The following MROH2B variants were observed in gnomAD, a reference collection of about 807,000 sequenced individuals.
The protein encoded by MROH2B is maestro heat like repeat family member 2B, also known as maestro heat-like repeat-containing protein family member 2B.
In MROH2B, 177 loss-of-function variants were observed where a neutral mutation model predicts 208.6. The observed-to-expected ratio is 0.85, with a 90% CI of 0.75 to 0.96. MROH2B has a LOEUF of 0.96. MROH2B is among the 40% of genes least tolerant of loss of function. MROH2B has a pLI of 0.00. For synonymous variants in MROH2B, 728 were observed against 659.0 expected (o/e 1.10, Z -1.60); for missense variants, 2,002 against 1,878.7 (o/e 1.07, Z -1.21).
rs75502158 is a variant in MROH2B, at chr5:41,055,728, A to G, written c.1033+14T>C. 0.013 allele frequency: 21,573 copies of G among 1,600,944 alleles called. 211 individuals carry two copies. Among genetic ancestry groups the G allele is most frequent in the Non-Finnish European group, 0.015 (17,512 of 1,168,250 alleles). On this transcript the variant is annotated intron_variant, in intron 10 of 41. Transcript: ENST00000399564. ...CATGAAATAAACCATGTTGGCTTCA[A>G]CCCTCTTGCTTACCATCAGCATTGA...
At chr5:41,039,351 C>A in intron 20 of MROH2B, 97 bp downstream of exon 20, 2 of 689,700 alleles carry the variant, frequency 2.9e-6, no homozygotes. Flanking sequence ...AACCTGGGGA[C>A]AGGAGTAAGT....
intron 29 of MROH2B, 55 bp from the exon 30 acceptor site, chr5:41,012,790 A>G (rs1207189545): frequency 3.2e-5 from 51 of 1,599,638 alleles, no homozygotes; most frequent in Non-Finnish European, 3.8e-5. Context: ...TTATATCTAG[A>G]TACTTACAAC....
At position 41,055,757 on chromosome 5, in the gene MROH2B, C is replaced by A; in HGVS notation, c.1018G>T (p.Ala340Ser). The change falls in exon 10 of 42, where the codon GCT becomes TCT. Residue 340 changes from alanine to serine, a missense_variant. Ala to Ser is a moderately conservative substitution (Grantham distance 99). Coordinates refer to ENST00000399564, the MANE Select transcript of MROH2B (RefSeq NM_173489.5). ...TCTTGCTTACCATCAGCATTGACAGCCAATCTTAACAAAGTCAAGATTCCC... is the reference window on the plus strand; with the variant it reads ...TCTTGCTTACCATCAGCATTGACAGACAATCTTAACAAAGTCAAGATTCCC... ...RVGILTLLRL[A>S]VNADEPRLRD... The A allele has an allele frequency of 6.2e-7, 1 of 1,613,508 alleles. No individual in the cohort carries two copies.
At chr5:41,023,207 G>A (rs1742221072) in intron 24 of MROH2B, among the ~76,000 whole-genome samples, 1 of 152,198 alleles carries the variant, frequency 6.6e-6, no homozygotes, top group South Asian at 2.1e-4. Flanking sequence ...ACTTTGATGA[G>A]TTGAGAGAAG....
At chr5:41,028,348 T>A (rs189621568) in intron 24 of MROH2B, among the ~76,000 whole-genome samples, 1 of 152,316 alleles carries the variant, frequency 6.6e-6, no homozygotes, top group East Asian at 1.9e-4. Flanking sequence ...GCAAAATCCT[T>A]AATACAATAC....
Position 41,049,403 on chromosome 5 carries a change from G to A in MROH2B, c.1378C>T (p.Pro460Ser). The change falls in exon 14 of 42, where the codon CCT becomes TCT. Residue 460 changes from proline to serine, a missense_variant. Coordinates refer to ENST00000399564, the MANE Select transcript of MROH2B (RefSeq NM_173489.5). ...TCCAGAGCTTCTGTGTATTCTGCAG[G>A]TACCACAAAAGTCAGGATCCTTGGC... ...LWPRILTFVV[P>S]AEYTEALEPL... 3 of 1,613,228 alleles carry A rather than the reference G, an allele frequency of 1.9e-6. No homozygotes were observed. The South Asian group carries it at 3.3e-5, about 18-fold the overall frequency.
chr5:41,064,427 C>T, intron 5 of MROH2B, 45 bp downstream of exon 5: 1 of 1,523,606 alleles, frequency 6.6e-7, no homozygotes, highest in Non-Finnish European at 9.1e-7. Flanking sequence ...TAAGACAGTT[C>T]ACAGCCTGGT....
intron 37 of MROH2B, among the ~76,000 whole-genome samples, chr5:41,001,411 A>G (rs183537079): frequency 9.2e-5 from 14 of 152,104 alleles, no homozygotes; most frequent in Admixed American, 7.2e-4. Flanking sequence ...GCAGGCGATG[A>G]TTTTAGGAAG....
intron 22 of MROH2B, 123 bp from the exon 23 acceptor site, chr5:41,033,283 A>G (rs931034859): frequency 5.9e-6 from 8 of 1,363,684 alleles, no homozygotes; most frequent in East Asian, 5.0e-5. Context: ...TTCCTTTGCC[A>G]TCTCTACTCC....
intron 33 of MROH2B, 61 bp from the exon 34 acceptor site, chr5:41,007,515 C>T: frequency 2.2e-6 from 3 of 1,358,908 alleles, no homozygotes; most frequent in South Asian, 3.8e-5. Flanking sequence ...TGCAAATTCC[C>T]AAGTTTGCCT....
At position 41,058,349 on chromosome 5, in the gene MROH2B, T is replaced by TA. The variant is rs377433192; in HGVS notation, c.616-147dup. 829 of 814,614 alleles carry TA rather than the reference T, an allele frequency of 1.0e-3. 5 individuals carry two copies. In the African/African-American group the frequency reaches 0.013, roughly 13 times the overall value. 50.5% of individuals were successfully genotyped at this position (814,614 alleles called of 1,614,324 possible). A position where few individuals can be genotyped will look rare whatever the true frequency, so the allele number is the denominator to read the frequency against. ...AATTCTTTAAATTCTTTAAAATCTTTAAAAAATGTTCAGGTTAAGATCATT... is the reference window on the plus strand; with the variant it reads ...AATTCTTTAAATTCTTTAAAATCTTTAAAAAAATGTTCAGGTTAAGATCATT... On this transcript the variant is annotated intron_variant, in intron 6 of 41. Coordinates refer to ENST00000399564, the MANE Select transcript of MROH2B (RefSeq NM_173489.5).
intron 19 of MROH2B, among the ~76,000 whole-genome samples, chr5:41,040,410 C>T (rs1742906599): frequency 6.6e-6 from 1 of 152,176 alleles, no homozygotes. Flanking sequence ...AACTCGTAGA[C>T]TAGACCATTC....
Position 41,064,459 on chromosome 5 carries a change from T to G in MROH2B, c.460+13A>C. On this transcript the variant is annotated intron_variant, in intron 5 of 41. Coordinates refer to ENST00000399564, the MANE Select transcript of MROH2B (RefSeq NM_173489.5). ...TGGTTTTTAAGCAAAAAGGAAATCA[T>G]CGGGATACCCACCAATACAGAAAGT... The G allele has an allele frequency of 1.2e-6, 2 of 1,609,802 alleles. No homozygotes were observed. The highest frequency in any genetic ancestry group is 1.7e-6 in the Non-Finnish European group (2 of 1,177,082).
At chr5:41,068,030 C>T (rs1743864847) in intron 2 of MROH2B, among the ~76,000 whole-genome samples, 1 of 152,112 alleles carries the variant, frequency 6.6e-6, no homozygotes, top group South Asian at 2.1e-4. Context: ...TTAGACAGGG[C>T]CTCCAGTTGT....
In MROH2B at chr5:41,038,728, G is replaced by C. The variant is rs770560213; in HGVS notation, c.2214+8C>G. The C allele has an allele frequency of 3.1e-6, 5 of 1,602,718 alleles. No homozygotes were observed. Among genetic ancestry groups the C allele is most frequent in the Non-Finnish European group, 4.3e-6 (5 of 1,173,676 alleles). On this transcript the variant is annotated splice_region_variant and intron_variant, in intron 21 of 41. Transcript: ENST00000399564. ...TAGAAATGGAGGCAGCCATGCAACG[G>C]GCATTACCTGAGAGCACTGGCCATG... is the stretch of plus-strand genomic sequence containing the variant.
chr5:41,037,842 G>A (rs2150169643), intron 21 of MROH2B, among the ~76,000 whole-genome samples: 1 of 152,158 alleles, frequency 6.6e-6, no homozygotes, highest in East Asian at 1.9e-4. Flanking sequence ...ACAACTCTAG[G>A]AAGCTACATT....
Position 41,000,829 on chromosome 5 carries a change from T to C in MROH2B, c.4199A>G (p.Gln1400Arg), listed in dbSNP as rs1218922646. 1.2e-6 allele frequency: 2 copies of C among 1,610,240 alleles called. No individual in the cohort carries two copies. The highest frequency in any genetic ancestry group is 1.1e-5 in the South Asian group (1 of 90,048). ...LQTRTFFEDE[Q>R]DDVRLTAIFL... ...GATGGCAGTCAATCTCACATCATCC[T>C]GCTCCTGTGGTGACGAATGCATGTC... The change falls in exon 38 of 42, where the codon CAG becomes CGG. Residue 1400 changes from glutamine (Q) to arginine (R), a missense_variant. Transcript: ENST00000399564.
At chr5:41,067,364 C>CTTT in intron 2 of MROH2B, 146 bp from the exon 3 acceptor site, 1 of 517,408 alleles carries the variant, frequency 1.9e-6, no homozygotes, top group Non-Finnish European at 3.4e-6. Context: ...TTGAGGCTTT[C>CTTT]TTTTTTTTTT....
intron 24 of MROH2B, 41 bp from the exon 25 acceptor site, chr5:41,019,059 C>A (rs1188879978): frequency 3.7e-6 from 6 of 1,611,476 alleles, no homozygotes; most frequent in South Asian, 1.1e-5. Context: ...ATTACAGTGA[C>A]CATCAGAACA....
Sources: gnomAD v4.1 joint callset for allele counts (sites outside exome capture counted in the v4.1 genomes callset) on GRCh38, gnomAD v4.1.1 for gene constraint, MANE v1.5 for transcripts, NCBI Gene and HGNC (gene_info 2026-07-23, HGNC 2026-07-21) for gene names.